ANKRD36C: variants seen among roughly 807,000 people sequenced by gnomAD.
ANKRD36C encodes the protein ankyrin repeat domain-containing protein 36C.
A neutral mutation model predicts 276.4 loss-of-function variants in ANKRD36C; 61 were observed. That is an observed-to-expected ratio of 0.22 (90% CI 0.18 to 0.27). The LOEUF (loss-of-function observed/expected upper bound fraction) is 0.27, where lower values mean the gene tolerates loss of function less well. Ranked by LOEUF, ANKRD36C falls within the 10% of genes least tolerant of loss-of-function variation. The pLI, the probability that ANKRD36C is intolerant of heterozygous loss-of-function variation, is 1.00. For missense variants in ANKRD36C, 1,447 were observed against 2,032.3 expected (o/e 0.71, Z 5.54); for synonymous variants, 483 against 680.1 (o/e 0.71, Z 4.51).
At chr2:95,891,836 A>C in exon 45 of ANKRD36C, 1 of 1,562,786 alleles carries the variant, frequency 6.4e-7, no homozygotes, top group East Asian at 2.4e-5. Flanking sequence ...CATTACCTTC[A>C]AGCCTGATGG....
At chr2:95,975,269 A>C (rs1480097804) in intron 6 of ANKRD36C, among the ~76,000 whole-genome samples, 3 of 152,140 alleles carry the variant, frequency 2.0e-5, no homozygotes, top group Non-Finnish European at 4.4e-5. Flanking sequence ...CAGAATTGGA[A>C]AAAACTACTT....
chr2:95,989,306 A>G (rs1455226254), intron 1 of ANKRD36C, among the ~76,000 whole-genome samples: 2 of 152,260 alleles, frequency 1.3e-5, no homozygotes, highest in Non-Finnish European at 2.9e-5. Flanking sequence ...AGTTTTAAAC[A>G]TACTGATCAT....
rs1317599030 is a variant in ANKRD36C, at chr2:95,871,667, T to C, written c.3541-4086A>G. On this transcript the variant is annotated intron_variant, in intron 59 of 66. Transcript: ENST00000456556. Reference sequence around the variant, plus strand: ...CCAGGATCAATTTCAGACATAACAATATTAACTTTAAATGTAAATGGACTA... The same window carrying C: ...CCAGGATCAATTTCAGACATAACAACATTAACTTTAAATGTAAATGGACTA... 2.0e-5 allele frequency among the ~76,000 whole-genome samples: 3 copies of C among 151,740 alleles called. No individual in the cohort carries two copies. The East Asian group carries it at 5.8e-4, about 29-fold the overall frequency.
intron 65 of ANKRD36C, 127 bp downstream of exon 85, chr2:95,851,999 T>G: frequency 1.7e-6 from 2 of 1,174,962 alleles, no homozygotes; most frequent in Non-Finnish European, 2.5e-6. Flanking sequence ...TCAATATAGC[T>G]TACAGATGAA....
chr2:95,867,306 A>G lies in ANKRD36C; in HGVS notation c.3682+134T>C, dbSNP rs1248094579. 5 of 788,406 alleles carry G rather than the reference A, an allele frequency of 6.3e-6. No individual in the cohort carries two copies. In the East Asian group the frequency reaches 8.1e-5, roughly 13 times the overall value. The allele number at this position is 788,406 out of a possible 1,614,324, so 48.8% of individuals were successfully genotyped here. ...TACAAGATACAGTTGCTTTCATTCT[A>G]TTTTAACATAAGGCATATTTCTGAG... is the stretch of plus-strand genomic sequence containing the variant. On this transcript the variant is annotated intron_variant, in intron 60 of 66. Transcript: ENST00000456556.
At chr2:95,989,692 T>C (rs2104549231) in intron 1 of ANKRD36C, among the ~76,000 whole-genome samples, 1 of 152,346 alleles carries the variant, frequency 6.6e-6, no homozygotes, top group African/African-American at 2.4e-5. Flanking sequence ...GAAGGGCACA[T>C]ACATTTTTAC....
rs959605897 is a variant in ANKRD36C at position 95,914,435 on chromosome 2, T to A, written c.2450-132A>T. The A allele has an allele frequency of 1.3e-5, 15 of 1,199,374 alleles. No homozygotes were observed. In the African/African-American group the frequency reaches 1.8e-4, roughly 15 times the overall value. The allele number at this position is 1,199,374 out of a possible 1,614,324, so 74.3% of individuals were successfully genotyped here. On this transcript the variant is annotated intron_variant, in intron 38 of 66. Coordinates refer to ENST00000456556, the Ensembl canonical transcript of ANKRD36C. Reference sequence around the variant, plus strand: ...GTAGTCTTTGATGGCTTCTACTTTGTGTCTGGGGACTAGAACATGATAGAA... The same window carrying A: ...GTAGTCTTTGATGGCTTCTACTTTGAGTCTGGGGACTAGAACATGATAGAA...
intron 40 of ANKRD36C, among the ~76,000 whole-genome samples, chr2:95,912,745 G>C (rs1379893552): frequency 6.6e-6 from 1 of 151,446 alleles, no homozygotes; most frequent in Non-Finnish European, 1.5e-5. Context: ...TCTAAAATCA[G>C]AGGAGCAACT....
chr2:95,855,589 G>A lies in ANKRD36C; in HGVS notation c.4672C>T (p.Gln1558Ter), dbSNP rs200422439. ...TACATTTTTTCAATGTCCTTCATTT[G>A]ACTCTGTTTTTGCTTTAGCTCACTT... Residue 1558 changes from glutamine to a stop codon, truncating the protein, a stop_gained, in exon 63 of 67, where the codon CAA (glutamine) becomes TAA (stop). Transcript: ENST00000456556. LOFTEE classifies it high-confidence loss of function. 2 of 1,610,404 alleles carry A rather than the reference G, an allele frequency of 1.2e-6. No individual in the cohort carries two copies. Among genetic ancestry groups the A allele is most frequent in the Non-Finnish European group, 1.7e-6 (2 of 1,179,206 alleles).
chr2:95,886,088 A>G (rs764961565), exon 52 of ANKRD36C: 76 of 1,610,930 alleles, frequency 4.7e-5, no homozygotes, highest in Non-Finnish European at 6.1e-5. Flanking sequence ...CTGTGGCTAT[A>G]TTCGAAACAG....
chr2:95,857,290 T>A lies in ANKRD36C; in HGVS notation c.4080+19A>T, dbSNP rs760527911. ...TTAATAAGAGTAGAAATATGAAGTT[T>A]TACCAAACATTAATTTACCTGATTT... On this transcript the variant is annotated intron_variant, in intron 62 of 66. Coordinates refer to ENST00000456556, the Ensembl canonical transcript of ANKRD36C. 1.9e-5 allele frequency: 30 copies of A among 1,578,318 alleles called. No individual in the cohort carries two copies. Among genetic ancestry groups the A allele is most frequent in the Non-Finnish European group, 2.6e-5 (30 of 1,164,778 alleles).
At position 95,971,372 on chromosome 2, in the gene ANKRD36C, C is replaced by T. The variant is rs564507671; in HGVS notation, c.799+6750G>A. ...AAGCTTCTCAGTTGTAACAAATGTA[C>T]CACTCAGGTGGGAGATATTGATAAT... is the stretch of plus-strand genomic sequence containing the variant. On this transcript the variant is annotated intron_variant, in intron 6 of 66. Transcript: ENST00000456556. 8.9e-5 allele frequency among the ~76,000 whole-genome samples: 13 copies of T among 146,666 alleles called. No homozygotes were observed. In the East Asian group the frequency reaches 2.6e-3, roughly 30 times the overall value.
chr2:95,894,749 G>C (rs1282534441), intron 44 of ANKRD36C, among the ~76,000 whole-genome samples: 1 of 151,302 alleles, frequency 6.6e-6, no homozygotes, highest in Admixed American at 6.6e-5. Context: ...ACAAAGAGGA[G>C]TAATGAGTCA....
At chr2:95,981,477 T>C (rs1317804697) in intron 4 of ANKRD36C, among the ~76,000 whole-genome samples, 3 of 147,888 alleles carry the variant, frequency 2.0e-5, no homozygotes, top group Non-Finnish European at 4.5e-5. Flanking sequence ...ATATATTATA[T>C]GATATATGAT....
rs1183983513 is a variant in ANKRD36C, at chr2:95,912,329, T to A, written c.2581-13A>T. 5 of 1,592,392 alleles carry A rather than the reference T, an allele frequency of 3.1e-6. No individual in the cohort carries two copies. In the Admixed American group the frequency reaches 5.2e-5, roughly 17 times the overall value. ...CATCACTTGTAGCCTGAATGGAATTTGAAACAAAATAATAAATAAGGTATG... is the reference window on the plus strand; with the variant it reads ...CATCACTTGTAGCCTGAATGGAATTAGAAACAAAATAATAAATAAGGTATG... On this transcript the variant is annotated splice_polypyrimidine_tract_variant and intron_variant, in intron 41 of 66. Transcript: ENST00000456556.
exon 8 of ANKRD36C, chr2:95,962,359 A>G (rs1177013509): frequency 1.3e-6 from 2 of 1,555,372 alleles, no homozygotes; most frequent in South Asian, 1.2e-5. Context: ...TACCTGTCCC[A>G]GATTTTTGTC....
chr2:95,876,010 T>C (rs1447481784), intron 59 of ANKRD36C: 1 of 434,364 alleles, frequency 2.3e-6, no homozygotes, highest in East Asian at 7.3e-5. Context: ...ATTTTTAACC[T>C]TGGTATTAGT....
intron 6 of ANKRD36C, among the ~76,000 whole-genome samples, chr2:95,966,158 G>A (rs575016821): frequency 6.6e-6 from 1 of 152,242 alleles, no homozygotes; most frequent in South Asian, 2.1e-4. Context: ...CTGCACACAA[G>A]TTCTTTAGTT....
At chr2:95,865,475 T>C (rs1222820776) in intron 60 of ANKRD36C, among the ~76,000 whole-genome samples, 1 of 152,092 alleles carries the variant, frequency 6.6e-6, no homozygotes, top group Non-Finnish European at 1.5e-5. Flanking sequence ...CAGTGTGCCA[T>C]AGGTACAGGC....
Sources: allele counts gnomAD v4.1 joint callset (sites outside exome capture counted in the v4.1 genomes callset), GRCh38; gene constraint gnomAD v4.1.1; transcripts MANE v1.5; gene names NCBI Gene and HGNC (gene_info 2026-07-23, HGNC 2026-07-21).